KDM5A: variants seen among roughly 807,000 people sequenced by gnomAD.
KDM5A encodes the protein lysine demethylase 5A.
In KDM5A, 42 loss-of-function variants were observed where a neutral mutation model predicts 193.5. That is an observed-to-expected ratio of 0.22 (90% CI 0.17 to 0.28). The LOEUF is 0.28. Ranked by LOEUF, KDM5A falls within the 10% of genes least tolerant of loss-of-function variation. The pLI, the probability that KDM5A is intolerant of heterozygous loss-of-function variation, is 1.00. For synonymous variants in KDM5A, 796 were observed against 718.1 expected (o/e 1.11, Z -1.73); for missense variants, 1,692 against 2,055.1 (o/e 0.82, Z 3.42).
At chr12:334,128 T>A in intron 11 of KDM5A, 113 bp downstream of exon 11, 1 of 1,006,938 alleles carries the variant, frequency 9.9e-7, no homozygotes, top group East Asian at 2.5e-5. Flanking sequence ...CTAGAAATTA[T>A]TGAAACCTTA....
intron 27 of KDM5A, among the ~76,000 whole-genome samples, chr12:287,043 T>C (rs1943227411): frequency 6.6e-6 from 1 of 152,142 alleles, no homozygotes; most frequent in Admixed American, 6.6e-5. Flanking sequence ...TGAAATAATG[T>C]ATGGCAAAAC....
At position 363,075 on chromosome 12, in the gene KDM5A, T is replaced by C. The variant is rs1346850181; in HGVS notation, c.560A>G (p.Asp187Gly). Residue 187 changes from aspartate (D) to glycine (G), a missense_variant, in exon 5 of 28, where the codon GAT (aspartate) becomes GGT (glycine). Asp to Gly is a moderately conservative substitution (Grantham distance 94). Coordinates refer to ENST00000399788, the MANE Select transcript of KDM5A (RefSeq NM_001042603.3). The part of the protein sequence containing the change: ...SLMGVQMPNL[D>G]LKEKVEPEVL... ...CTCAGGCTCCACTTTTTCTTTAAGA[T>C]CTAAATTAGGCATCTGCACACCCTA... The C allele has an allele frequency of 1.9e-6, 3 of 1,613,908 alleles. No individual in the cohort carries two copies. The highest frequency in any genetic ancestry group is 3.3e-5 in the Admixed American group (2 of 59,984).
In KDM5A at chr12:307,891, T is replaced by C. The variant is rs765925400; in HGVS notation, c.3493A>G (p.Ile1165Val). The C allele has an allele frequency of 6.8e-6, 11 of 1,613,942 alleles. No homozygotes were observed. In the South Asian group the frequency reaches 9.9e-5, roughly 14 times the overall value. The change falls in exon 23 of 28, where the codon ATT becomes GTT. Residue 1165 changes from isoleucine to valine, a missense_variant. Transcript: ENST00000399788. This position sits in a 1 kb window ranked among gnomAD's most constrained non-coding sequence, Gnocchi z 4.3. ...AACCCACTGGCTGTCTTGCGGCAAA[T>C]GCAAAATTTTACTTCTTCTATGCGG... Reference protein sequence around the residue: ...VDRIEEVKFCICRKTASGFML... With the variant: ...VDRIEEVKFCVCRKTASGFML...
rs893972858 is a variant in KDM5A, at chr12:281,726, A to G, written c.*3730T>C. On this transcript the variant is annotated 3_prime_UTR_variant, in exon 28 of 28. Transcript: ENST00000399788. ...GCCAAACTGTCACTTTTTCCCTTAA[A>G]AAGTGGATAAACCCATCTTTTGAAA... 86 of 234,844 alleles carry G rather than the reference A, an allele frequency of 3.7e-4. No individual in the cohort carries two copies. The highest frequency in any genetic ancestry group is 6.3e-4 in the Non-Finnish European group (75 of 119,090). The allele number at this position is 234,844 out of a possible 1,614,324, so 14.5% of individuals were successfully genotyped here. A position where few individuals can be genotyped will look rare whatever the true frequency, so the allele number is the denominator to read the frequency against.
At chr12:308,131 C>A in intron 22 of KDM5A, 126 bp from the exon 23 acceptor site, 1 of 1,031,384 alleles carries the variant, frequency 9.7e-7, no homozygotes, top group East Asian at 2.5e-5. Flanking sequence ...AAATGTGGGG[C>A]CCCTGGCGGT....
At chr12:293,772 C>A (rs1407471085) in intron 26 of KDM5A, among the ~76,000 whole-genome samples, 3 of 110,772 alleles carry the variant, frequency 2.7e-5, no homozygotes, top group African/African-American at 1.2e-4. Flanking sequence ...GAGCAAGACT[C>A]CATCTCAAAA....
intron 3 of KDM5A, among the ~76,000 whole-genome samples, chr12:369,354 T>C (rs1944397606): frequency 2.6e-5 from 4 of 152,228 alleles, no homozygotes; most frequent in African/African-American, 9.6e-5. Flanking sequence ...TCTAGGTACC[T>C]GGGATACATT....
chr12:301,264 A>G (rs1287112044), intron 24 of KDM5A, among the ~76,000 whole-genome samples: 1 of 152,246 alleles, frequency 6.6e-6, no homozygotes, highest in African/African-American at 2.4e-5. Flanking sequence ...ATGAACATCG[A>G]TGCAAAAATC....
chr12:380,140 C>T (rs1032733334), intron 3 of KDM5A, among the ~76,000 whole-genome samples: 4 of 151,790 alleles, frequency 2.6e-5, no homozygotes, highest in African/African-American at 9.7e-5. Flanking sequence ...TGGTGGTGTG[C>T]GCCTGTAGTC....
At chr12:294,937 T>C (rs1943350027) in intron 26 of KDM5A, among the ~76,000 whole-genome samples, 1 of 152,172 alleles carries the variant, frequency 6.6e-6, no homozygotes, top group Admixed American at 6.5e-5. Context: ...TCTCATCAAA[T>C]GAGCTCATGG....
At chr12:374,748 A>G (rs1486803474) in intron 3 of KDM5A, among the ~76,000 whole-genome samples, 1 of 151,904 alleles carries the variant, frequency 6.6e-6, no homozygotes, top group East Asian at 1.9e-4. Flanking sequence ...TTCCTTCAGG[A>G]GCTCTTGTAG....
At chr12:367,703 G>GA (rs538424158) in intron 3 of KDM5A, among the ~76,000 whole-genome samples, 30 of 144,072 alleles carry the variant, frequency 2.1e-4, no homozygotes, top group South Asian at 8.9e-4. Context: ...CTCCATCTCC[G>GA]AAAAAAAAAA....
chr12:375,505 T>C (rs966520365), intron 3 of KDM5A, among the ~76,000 whole-genome samples: 9 of 152,244 alleles, frequency 5.9e-5, no homozygotes, highest in African/African-American at 1.9e-4. Context: ...TTTAGCTTCT[T>C]TGCGATGGGT....
At chr12:367,799 C>G (rs1944375967) in intron 3 of KDM5A, among the ~76,000 whole-genome samples, 1 of 151,736 alleles carries the variant, frequency 6.6e-6, no homozygotes, top group Non-Finnish European at 1.5e-5. Context: ...GAGATCAAGG[C>G]TGCAGCGAGC....
chr12:323,232 A>AAAAAAAAAAAAAAAAAAAAAAAAC (rs753032451), intron 15 of KDM5A, 26 bp from the exon 16 acceptor site: 1 of 1,500,162 alleles, frequency 6.7e-7, no homozygotes, highest in Non-Finnish European at 8.9e-7. Flanking sequence ...AAAAAAAAAA[A>AAAAAAAAAAAAAAAAAAAAAAAAC]AAAAAAAGAA....
At chr12:336,841 A>C (rs1421042873) in intron 10 of KDM5A, among the ~76,000 whole-genome samples, 1 of 152,134 alleles carries the variant, frequency 6.6e-6, no homozygotes, top group Non-Finnish European at 1.5e-5. Context: ...TCTCAAAAAA[A>C]AAAAAAAAGT....
intron 5 of KDM5A, among the ~76,000 whole-genome samples, chr12:362,095 A>C (rs1004697607): frequency 6.6e-6 from 1 of 152,156 alleles, no homozygotes; most frequent in African/African-American, 2.4e-5. Flanking sequence ...TTGTTTCCTT[A>C]AACGTTAAAA....
chr12:342,713 C>T (rs771493549), intron 10 of KDM5A, among the ~76,000 whole-genome samples: 17 of 151,228 alleles, frequency 1.1e-4, no homozygotes, highest in Non-Finnish European at 2.2e-4. Context: ...TCACCTGCCT[C>T]GGCCTCCCAA....
intron 1 of KDM5A, among the ~76,000 whole-genome samples, chr12:388,724 A>G (rs1193295270): frequency 6.6e-6 from 1 of 152,228 alleles, no homozygotes; most frequent in Admixed American, 6.5e-5. Context: ...GAAGAGGCCC[A>G]AGAGACACCA....
Sources: allele counts gnomAD v4.1 joint callset (sites outside exome capture counted in the v4.1 genomes callset), GRCh38; gene constraint gnomAD v4.1.1; non-coding constraint Gnocchi (gnomAD v3.1); transcripts MANE v1.5; gene names NCBI Gene and HGNC (gene_info 2026-07-23, HGNC 2026-07-21).